The following GAB3 variants were observed in gnomAD, a reference collection of about 807,000 sequenced individuals.
GAB3 encodes GRB2 associated binding protein 3.
Under a neutral mutation model 40.4 loss-of-function variants are expected in GAB3, and 12 were observed. The observed-to-expected ratio is 0.30, with a 90% CI of 0.19 to 0.48. The LOEUF is 0.48. Ranked by LOEUF, GAB3 falls within the 20% of genes least tolerant of loss-of-function variation. The pLI, the probability that GAB3 is intolerant of heterozygous loss-of-function variation, is 0.99. For synonymous variants in GAB3, 154 were observed against 176.7 expected (o/e 0.87, Z 1.02); for missense variants, 381 against 461.9 (o/e 0.82, Z 1.61).
At chrX:154,687,769 G>A (rs782252557) in intron 8 of GAB3, among the ~76,000 whole-genome samples, 11 of 110,775 alleles carry the variant, frequency 9.9e-5, no homozygotes, top group South Asian at 3.8e-4. Flanking sequence ...TGATGTTAGA[G>A]AAAATAAACT....
chrX:154,717,070 AT>A (rs1351443426), intron 1 of GAB3, among the ~76,000 whole-genome samples: 1 of 111,989 alleles, frequency 8.9e-6, no homozygotes, highest in Non-Finnish European at 1.9e-5. Flanking sequence ...GTTCAGAGAG[AT>A]TAAGTAATGT....
intron 1 of GAB3, among the ~76,000 whole-genome samples, chrX:154,737,875 A>G (rs1410109819): frequency 2.7e-5 from 3 of 111,849 alleles, no homozygotes; most frequent in Middle Eastern, 4.2e-3. Flanking sequence ...CAGTAATCCC[A>G]GCTTTTCAGG....
intron 1 of GAB3, among the ~76,000 whole-genome samples, chrX:154,720,585 C>A (rs1414509058): frequency 9.9e-6 from 1 of 100,982 alleles, no homozygotes; most frequent in Non-Finnish European, 2.0e-5. Flanking sequence ...CGAGATCGCG[C>A]CACTGCACTC....
At chrX:154,696,298 C>CAAAAAAAAAAAAAAAAAAAAAAAA (rs35105330) in intron 7 of GAB3, among the ~76,000 whole-genome samples, 1 of 40,144 alleles carries the variant, frequency 2.5e-5, no homozygotes, top group Non-Finnish European at 4.6e-5. Flanking sequence ...TATCATTTAG[C>CAAAAAAAAAAAAAAAAAAAAAAAA]AAAAAAAAAA....
intron 4 of GAB3, among the ~76,000 whole-genome samples, 158 bp downstream of exon 4, chrX:154,712,071 A>G (rs1408073632): frequency 8.9e-6 from 1 of 112,599 alleles, no homozygotes; most frequent in African/African-American, 3.2e-5. Context: ...GTACACAAGT[A>G]CACACTACTG....
At chrX:154,734,671 G>T (rs1557260341) in intron 1 of GAB3, among the ~76,000 whole-genome samples, 1 of 112,034 alleles carries the variant, frequency 8.9e-6, no homozygotes, top group Non-Finnish European at 1.9e-5. Flanking sequence ...GCTGAGCAAG[G>T]CGCTCAGGGA....
chrX:154,717,483 G>T lies in GAB3; in HGVS notation c.73-1154C>A, dbSNP rs184625667. 7.2e-4 allele frequency among the ~76,000 whole-genome samples: 81 copies of T among 111,986 alleles called. 1 individual carries two copies. The highest frequency in any genetic ancestry group is 2.3e-4 in the Non-Finnish European group (12 of 53,170). On this transcript the variant is annotated intron_variant, in intron 1 of 9. Coordinates refer to ENST00000424127, the MANE Select transcript of GAB3 (RefSeq NM_001081573.3). The stretch of plus-strand genomic sequence containing the variant: ...TTTCCTTAATGGAATAGGAATCTTG[G>T]AAAGAGCCAAGCCTGGAAGTCAGAT...
At chrX:154,692,948 C>T (rs1045652487) in intron 8 of GAB3, among the ~76,000 whole-genome samples, 21 of 111,805 alleles carry the variant, frequency 1.9e-4, no homozygotes, top group African/African-American at 3.9e-4. Context: ...CCAGAAATTC[C>T]ACTTCTACAT....
intron 2 of GAB3, among the ~76,000 whole-genome samples, chrX:154,713,742 C>CATATATATATATAT (rs59885867): frequency 8.6e-4 from 17 of 19,654 alleles, no homozygotes; most frequent in Non-Finnish European, 1.0e-3. Context: ...AACTAACAAA[C>CATATATATATATAT]ATATATATAT....
intron 1 of GAB3, among the ~76,000 whole-genome samples, chrX:154,730,531 C>G (rs1276826451): frequency 4.5e-5 from 5 of 112,213 alleles, no homozygotes; most frequent in African/African-American, 1.6e-4. Context: ...CTAAGCTGAT[C>G]TCCCGTTCTC....
At chrX:154,679,532 A>G (rs1176388403) in intron 9 of GAB3, among the ~76,000 whole-genome samples, 3 of 112,215 alleles carry the variant, frequency 2.7e-5, no homozygotes, top group Non-Finnish European at 5.6e-5. Flanking sequence ...AAAGAGGAGG[A>G]AAGTCCTCAG....
chrX:154,745,786 T>C (rs1447783453), intron 1 of GAB3, among the ~76,000 whole-genome samples: 1 of 111,744 alleles, frequency 8.9e-6, no homozygotes, highest in Non-Finnish European at 1.9e-5. Flanking sequence ...GCCCAGTGGC[T>C]CACACCTGTA....
chrX:154,695,985 C>A lies in GAB3; in HGVS notation c.1462G>T (p.Gly488Cys). 8.4e-7 allele frequency: 1 copy of A among 1,193,247 alleles called. No individual in the cohort carries two copies. The highest frequency in any genetic ancestry group is 1.8e-5 in the South Asian group (1 of 55,616). Residue 488 changes from glycine (G) to cysteine (C), a missense_variant, in exon 8 of 10, where the codon GGT becomes TGT. Physicochemically the swap from Gly to Cys is radical, Grantham distance 159. This residue lies in a region of GAB3 where 364 missense variants were observed against 421.0 expected (regional missense o/e 0.86). Transcript: ENST00000424127. ...GCAAAAAATCTTGCAGAATTAATACCATTTCTTTCTGGAGAGAGAAAGCTG... is the reference window on the plus strand; with the variant it reads ...GCAAAAAATCTTGCAGAATTAATACAATTTCTTTCTGGAGAGAGAAAGCTG... ...RTSFLSPERN[G>C]INSARFFANP...
At position 154,677,753 on chromosome X, in the gene GAB3, T is replaced by G. The variant is rs1425742195; in HGVS notation, c.*425A>C. ...ATTCTGCCACCATTGCTGGGCTTGA[T>G]CTCCTCAACTGTCTTCAGAGGCTGG... On this transcript the variant is annotated 3_prime_UTR_variant, in exon 10 of 10. Coordinates refer to ENST00000424127, the MANE Select transcript of GAB3 (RefSeq NM_001081573.3). 1 of 175,876 alleles carries G rather than the reference T, an allele frequency of 5.7e-6. No individual in the cohort carries two copies. The highest frequency in any genetic ancestry group is 3.0e-5 in the African/African-American group (1 of 33,261). 14.5% of individuals were successfully genotyped at this position (175,876 alleles called of 1,213,427 possible). A position where few individuals can be genotyped will look rare whatever the true frequency, so the allele number is the denominator to read the frequency against.
intron 4 of GAB3, among the ~76,000 whole-genome samples, chrX:154,711,516 G>A (rs1557256001): frequency 8.9e-6 from 1 of 111,763 alleles, no homozygotes; most frequent in African/African-American, 3.3e-5. Flanking sequence ...AGATGGAACT[G>A]CAAGCAGAAT....
intron 4 of GAB3, among the ~76,000 whole-genome samples, chrX:154,709,407 G>A (rs1427393727): frequency 1.9e-5 from 2 of 105,336 alleles, no homozygotes; most frequent in East Asian, 3.0e-4. Context: ...TGCAAACTCT[G>A]CCTCCCAGGT....
chrX:154,737,850 C>A (rs1341439730), intron 1 of GAB3, among the ~76,000 whole-genome samples: 2 of 111,335 alleles, frequency 1.8e-5, no homozygotes, highest in African/African-American at 3.3e-5. Context: ...ATTAGCCGGG[C>A]ATGGTGGCAG....
rs782381689 is a variant in GAB3, at chrX:154,697,202, G to C, written c.1357C>G (p.Pro453Ala). 43 of 1,182,154 alleles carry C rather than the reference G, an allele frequency of 3.6e-5. No individual in the cohort carries two copies. The East Asian group carries it at 1.3e-3, about 36-fold the overall frequency. Residue 453 changes from proline to alanine, a missense_variant, in exon 7 of 10, where the codon CCT (proline) becomes GCT (alanine). Pro to Ala is a conservative substitution (Grantham distance 27). Around this residue, in one of 2 missense-constraint regions of GAB3, gnomAD observed 364 missense variants for 421.0 expected, o/e 0.86. Coordinates refer to ENST00000424127, the MANE Select transcript of GAB3 (RefSeq NM_001081573.3). ...ATCGAGAGGTTTCTCAGGTCCAGAG[G>C]AGGTGGCCGTGCTACAAGACAGTGT... ...LKPQRKSRPP[P>A]LDLRNLSIIR...
At chrX:154,718,175 G>A (rs1557258009) in intron 1 of GAB3, among the ~76,000 whole-genome samples, 1 of 110,539 alleles carries the variant, frequency 9.0e-6, no homozygotes, top group African/African-American at 3.3e-5. Context: ...ACTATTTGGA[G>A]TATTCTCAGC....
Sources: allele counts gnomAD v4.1 joint callset (sites outside exome capture counted in the v4.1 genomes callset), GRCh38; gene constraint gnomAD v4.1.1; regional missense constraint gnomAD v4.1.1; transcripts MANE v1.5; gene names NCBI Gene and HGNC (gene_info 2026-07-23, HGNC 2026-07-21).